The following CTCFL variants were observed in gnomAD, a reference collection of about 807,000 sequenced individuals.
CTCFL encodes CCCTC-binding factor like.
CTCFL carries 36 observed loss-of-function variants against 67.4 expected under a neutral mutation model. The ratio of observed to expected loss-of-function variants is 0.53; its 90% confidence interval spans 0.41 to 0.71. The LOEUF is 0.71. CTCFL is among the 30% of genes least tolerant of loss of function. The pLI is 0.00. For synonymous variants in CTCFL, 324 were observed against 302.3 expected (o/e 1.07, Z -0.75); for missense variants, 786 against 835.2 (o/e 0.94, Z 0.73).
At chr20:57,501,281 C>A (rs554831848) in intron 10 of CTCFL, among the ~76,000 whole-genome samples, 1 of 152,208 alleles carries the variant, frequency 6.6e-6, no homozygotes, top group South Asian at 2.1e-4. Flanking sequence ...GGAGGGGCAG[C>A]GCAGGACCAG....
intron 9 of CTCFL, among the ~76,000 whole-genome samples, chr20:57,504,273 C>G (rs1323286538): frequency 4.8e-5 from 7 of 147,164 alleles, no homozygotes; most frequent in South Asian, 4.3e-4. Flanking sequence ...ACTGCACCCG[C>G]CCCCCGTCTC....
intron 5 of CTCFL, among the ~76,000 whole-genome samples, chr20:57,517,164 A>G (rs2068985939): frequency 6.6e-6 from 1 of 152,244 alleles, no homozygotes; most frequent in Non-Finnish European, 1.5e-5. Flanking sequence ...GAATTTTAAA[A>G]ACTGTATAGC....
chr20:57,524,842 G>A (rs2069743714), intron 1 of CTCFL, 186 bp downstream of exon 1: 6 of 775,948 alleles, frequency 7.7e-6, no homozygotes, highest in Non-Finnish European at 9.4e-6. Flanking sequence ...TCCCTCGGAG[G>A]CCTGGCAGGG....
downstream of CTCFL, chr20:57,496,294 T>TGTAA (rs2067724077): frequency 5.8e-6 from 4 of 695,062 alleles, no homozygotes; most frequent in South Asian, 3.0e-5. Context: ...CTGCCTTGAT[T>TGTAA]GTAAGTTTCC....
chr20:57,504,522 TCCAC>T lies in CTCFL; in HGVS notation c.1675-925_1675-922del, dbSNP rs1457017529. Among the ~76,000 whole-genome samples, 10 of 151,856 alleles carry T rather than the reference TCCAC, an allele frequency of 6.6e-5. No individual in the cohort carries two copies. In the East Asian group the frequency reaches 1.9e-3, roughly 29 times the overall value. ...ACTCAAAACTCCTGACCTCAAGTGA[TCCAC>T]CTGCCTTGGCCTCCCAAAGTGCTGA... On this transcript the variant is annotated intron_variant, in intron 9 of 10. Transcript: ENST00000243914.
chr20:57,517,337 C>T (rs546175135), intron 5 of CTCFL, among the ~76,000 whole-genome samples: 6 of 143,606 alleles, frequency 4.2e-5, no homozygotes, highest in Middle Eastern at 3.9e-3. Flanking sequence ...GACTGGAGTG[C>T]GCGATTTCGG....
chr20:57,524,285 G>A (rs1393716988), intron 1 of CTCFL, 69 bp from the exon 2 acceptor site: 3 of 1,531,060 alleles, frequency 2.0e-6, no homozygotes, highest in African/African-American at 1.4e-5. Flanking sequence ...GGATGCGGGG[G>A]GTGCTGGAAC....
At chr20:57,514,776 G>C (rs753033601) in intron 6 of CTCFL, 35 bp from the exon 7 acceptor site, 1 of 1,589,918 alleles carries the variant, frequency 6.3e-7, no homozygotes, top group South Asian at 1.1e-5. Flanking sequence ...TCCCCCTCCA[G>C]GCCTGATCCT....
At chr20:57,521,900 T>C (rs1330498783) in intron 3 of CTCFL, among the ~76,000 whole-genome samples, 2 of 151,978 alleles carry the variant, frequency 1.3e-5, no homozygotes, top group African/African-American at 4.8e-5. Flanking sequence ...AAAAAGTAAA[T>C]TAGTGGTAGC....
chr20:57,522,973 T>A, intron 3 of CTCFL, 95 bp downstream of exon 3: 1 of 950,540 alleles, frequency 1.1e-6, no homozygotes, highest in South Asian at 1.6e-5. Context: ...AAAGTAAAAG[T>A]CAACCACTTA....
At chr20:57,505,100 A>G (rs1372318409) in intron 9 of CTCFL, among the ~76,000 whole-genome samples, 20 of 151,852 alleles carry the variant, frequency 1.3e-4, no homozygotes, top group African/African-American at 4.3e-4. Context: ...GCCTTTGGGA[A>G]AACTGTGGGT....
intron 10 of CTCFL, among the ~76,000 whole-genome samples, chr20:57,502,498 T>A (rs960037109): frequency 4.6e-5 from 7 of 152,190 alleles, no homozygotes; most frequent in Non-Finnish European, 7.3e-5. Flanking sequence ...GCGACCGTCA[T>A]CTGTGGGAAC....
chr20:57,512,760 G>A lies in CTCFL; in HGVS notation c.1331-8C>T. The A allele has an allele frequency of 6.2e-7, 1 of 1,613,588 alleles. No homozygotes were observed. The highest frequency in any genetic ancestry group is 8.5e-7 in the Non-Finnish European group (1 of 1,179,556). ...AGTTGCGCATATGCACACCTAAAAT[G>A]GTCACAGAACATTATATACTTCAAG... On this transcript the variant is annotated splice_polypyrimidine_tract_variant and splice_region_variant and intron_variant, in intron 7 of 10. Coordinates refer to ENST00000243914, the MANE Select transcript of CTCFL (RefSeq NM_001386993.1).
At chr20:57,499,832 A>G in intron 10 of CTCFL, 2 of 313,472 alleles carry the variant, frequency 6.4e-6, no homozygotes, top group Non-Finnish European at 9.3e-6. Flanking sequence ...CAGGAGGCGG[A>G]GCTCAGGCGG....
At chr20:57,515,530 C>T (rs2146389202) in intron 6 of CTCFL, 184 bp downstream of exon 6, 1 of 667,484 alleles carries the variant, frequency 1.5e-6, no homozygotes, top group African/African-American at 1.8e-5. Flanking sequence ...GGCACAGTAT[C>T]TATGCAGACT....
chr20:57,524,742 T>A (rs1443071184), intron 1 of CTCFL: 2 of 988,404 alleles, frequency 2.0e-6, no homozygotes, highest in African/African-American at 3.5e-5. Flanking sequence ...GTTCTAGACC[T>A]AGCACCCTCA....
intron 5 of CTCFL, chr20:57,518,377 C>A: frequency 1.9e-6 from 1 of 521,604 alleles, no homozygotes; most frequent in Non-Finnish European, 3.0e-6. Flanking sequence ...TCTAATCAAG[C>A]TCAAAAATTT....
chr20:57,496,208 G>T (rs1179193654), downstream of CTCFL: 1 of 592,462 alleles, frequency 1.7e-6, no homozygotes, highest in African/African-American at 1.8e-5. Context: ...GAATCTGGTC[G>T]TTCAGAGGAG....
chr20:57,512,613 G>C lies in CTCFL; in HGVS notation c.1470C>G (p.His490Gln). Residue 490 changes from histidine (H) to glutamine (Q), a missense_variant, in exon 8 of 11, where the codon CAC becomes CAG. This residue lies in a region of CTCFL where 254 missense variants were observed against 333.9 expected (regional missense o/e 0.76). Transcript: ENST00000243914. ...ATACCTGCTTGCAGGCATAACTGCA[G>C]TGTTTGCACTTGAACCTCTTCTCAT... is the stretch of plus-strand genomic sequence containing the variant. ...HKNEKRFKCK[H>Q]CSYACKQERH... The C allele has an allele frequency of 6.2e-7, 1 of 1,614,228 alleles. No homozygotes were observed. Among genetic ancestry groups the C allele is most frequent in the Non-Finnish European group, 8.5e-7 (1 of 1,180,046 alleles).
Sources: allele counts gnomAD v4.1 joint callset (sites outside exome capture counted in the v4.1 genomes callset), GRCh38; gene constraint gnomAD v4.1.1; regional missense constraint gnomAD v4.1.1; transcripts MANE v1.5; gene names NCBI Gene and HGNC (gene_info 2026-07-23, HGNC 2026-07-21).